NOVA2: variants seen among roughly 807,000 people sequenced by gnomAD.
The protein encoded by NOVA2 is NOVA alternative splicing regulator 2.
NOVA2 carries 9 observed loss-of-function variants against 22.5 expected under a neutral mutation model. The ratio of observed to expected loss-of-function variants is 0.40; its 90% CI spans 0.24 to 0.70. NOVA2 has a LOEUF of 0.70. Ranked by LOEUF, NOVA2 falls within the 30% of genes least tolerant of loss-of-function variation. The probability of loss-of-function intolerance (pLI) is 0.38; values close to 1 mark genes in which losing one functional copy is unlikely to be tolerated. For synonymous variants in NOVA2, 318 were observed against 335.2 expected (o/e 0.95, Z 0.56); for missense variants, 383 against 682.8 (o/e 0.56, Z 4.89).
In NOVA2 at chr19:45,935,532, G is replaced by A. The variant is rs1262083324; in HGVS notation, c.*4331C>T. On this transcript the variant is annotated 3_prime_UTR_variant, in exon 4 of 4. Coordinates refer to ENST00000263257, the MANE Select transcript of NOVA2 (RefSeq NM_002516.4). ...ATCCAGTCCAGGCTTTCAGGACAGC[G>A]AGCCCGGTTTCCAGGCAGGTGCTTG... 2 of 152,184 alleles carry A rather than the reference G, an allele frequency of 1.3e-5. No individual in the cohort carries two copies. Among genetic ancestry groups the A allele is most frequent in the Admixed American group, 6.5e-5 (1 of 15,274 alleles). The allele number at this position is 152,184 out of a possible 1,614,324, so 9.4% of individuals were successfully genotyped here. A position where few individuals can be genotyped will look rare whatever the true frequency, so the allele number is the denominator to read the frequency against.
intron 2 of NOVA2, among the ~76,000 whole-genome samples, chr19:45,960,521 A>C (rs962180887): frequency 2.1e-4 from 32 of 151,836 alleles, no homozygotes; most frequent in Non-Finnish European, 5.9e-5. Flanking sequence ...AGAGGGGAGC[A>C]AGAGACGAGA....
intron 3 of NOVA2, among the ~76,000 whole-genome samples, chr19:45,950,004 G>T (rs1600604496): frequency 6.6e-6 from 1 of 151,844 alleles, no homozygotes; most frequent in African/African-American, 2.4e-5. Flanking sequence ...GCTTCCCAAG[G>T]TGCTGAGATT....
At chr19:45,955,729 G>A (rs1015474384) in intron 2 of NOVA2, among the ~76,000 whole-genome samples, 2 of 152,080 alleles carry the variant, frequency 1.3e-5, no homozygotes, top group Middle Eastern at 3.4e-3. Flanking sequence ...GTGGTGGCAC[G>A]CACCTGTAGT....
At position 45,961,171 on chromosome 19, in the gene NOVA2, G is replaced by T; in HGVS notation, c.86-18C>A. On this transcript the variant is annotated intron_variant, in intron 1 of 3. Coordinates refer to ENST00000263257, the MANE Select transcript of NOVA2 (RefSeq NM_002516.4). ...GCCTTCCTCTGCGGGGGCACACAGG[G>T]TGGAGGGGAGTCAGCGGGGGAGGGG... The T allele has an allele frequency of 6.3e-7, 1 of 1,593,466 alleles. No homozygotes were observed. Among genetic ancestry groups the T allele is most frequent in the Non-Finnish European group, 8.5e-7 (1 of 1,169,810 alleles).
intron 3 of NOVA2, among the ~76,000 whole-genome samples, chr19:45,953,513 G>T (rs946149828): frequency 6.6e-6 from 1 of 152,158 alleles, no homozygotes; most frequent in Non-Finnish European, 1.5e-5. Context: ...TAGGAAGAAA[G>T]GATCGAACAA....
At chr19:45,948,416 G>A (rs558210527) in intron 3 of NOVA2, among the ~76,000 whole-genome samples, 2 of 152,024 alleles carry the variant, frequency 1.3e-5, no homozygotes, top group African/African-American at 4.8e-5. Context: ...TGGCTAACAC[G>A]GTGAAACCCC....
intron 3 of NOVA2, among the ~76,000 whole-genome samples, chr19:45,952,142 A>T (rs1451102547): frequency 6.6e-6 from 1 of 152,238 alleles, no homozygotes; most frequent in Non-Finnish European, 1.5e-5. Context: ...GGCAGAAAAG[A>T]AGTAGACCTG....
chr19:45,940,448 C>T lies in NOVA2; in HGVS notation c.894G>A (p.Leu298=). The T allele has an allele frequency of 6.6e-7, 1 of 1,525,066 alleles. No individual in the cohort carries two copies. Among genetic ancestry groups the T allele is most frequent in the Non-Finnish European group, 8.8e-7 (1 of 1,136,304 alleles). The allele number at this position is 1,525,066 out of a possible 1,614,324, so 94.5% of individuals were successfully genotyped here. A position where few individuals can be genotyped will look rare whatever the true frequency, so the allele number is the denominator to read the frequency against. The change falls in exon 4 of 4, where the codon CTG becomes CTA. Residue 298 remains leucine, a synonymous_variant. Transcript: ENST00000263257. ...CGGAAGCTGCGGCCGAGTTGAGGCC[C>T]AGGCCCAGGGAGTTGGTGTTGTAGC... is the stretch of plus-strand genomic sequence containing the variant. ...SYGYNTNSLG[L]GLNSAAASGV...
intron 1 of NOVA2, among the ~76,000 whole-genome samples, chr19:45,968,597 TG>T (rs1968195970): frequency 6.6e-6 from 1 of 151,898 alleles, no homozygotes; most frequent in Non-Finnish European, 1.5e-5. Context: ...ATAATAATGA[TG>T]ATGATGATGA....
rs922214230 is a variant in NOVA2 at position 45,937,235 on chromosome 19, G to A, written c.*2628C>T. 1.3e-5 allele frequency: 2 copies of A among 152,194 alleles called. No homozygotes were observed. The highest frequency in any genetic ancestry group is 2.9e-5 in the Non-Finnish European group (2 of 68,036). 9.4% of individuals were successfully genotyped at this position (152,194 alleles called of 1,614,324 possible). A position where few individuals can be genotyped will look rare whatever the true frequency, so the allele number is the denominator to read the frequency against. On this transcript the variant is annotated 3_prime_UTR_variant, in exon 4 of 4. Transcript: ENST00000263257. ...TTCAGGAGGCCCAGCCTCCGGAGAT[G>A]TGTCTGTGTGAGAGGAGTCCTGGAC...
chr19:45,951,285 C>T (rs1394681207), intron 3 of NOVA2, among the ~76,000 whole-genome samples: 1 of 151,752 alleles, frequency 6.6e-6, no homozygotes, highest in African/African-American at 2.4e-5. Context: ...GAGAACAGCC[C>T]GCAACATGGT....
rs1967659360 is a variant in NOVA2, at chr19:45,936,779, G to A, written c.*3084C>T. ...CTAGAGGGCAAATGAGAAGGAATAG[G>A]GAGATAATCCAATGCAGCAAACACT... On this transcript the variant is annotated 3_prime_UTR_variant, in exon 4 of 4. Coordinates refer to ENST00000263257, the MANE Select transcript of NOVA2 (RefSeq NM_002516.4). The A allele has an allele frequency of 6.6e-6, 1 of 151,974 alleles. No homozygotes were observed. Among genetic ancestry groups the A allele is most frequent in the African/African-American group, 2.4e-5 (1 of 41,324 alleles). The allele number at this position is 151,974 out of a possible 1,614,324, so 9.4% of individuals were successfully genotyped here.
chr19:45,967,176 G>T (rs2341635), intron 1 of NOVA2, among the ~76,000 whole-genome samples: 1 of 151,602 alleles, frequency 6.6e-6, no homozygotes, highest in African/African-American at 2.4e-5. Flanking sequence ...AGGAGTCCCC[G>T]TTGTGAGCAT....
At chr19:45,953,095 T>G (rs1224472085) in intron 3 of NOVA2, among the ~76,000 whole-genome samples, 1 of 152,094 alleles carries the variant, frequency 6.6e-6, no homozygotes, top group African/African-American at 2.4e-5. Context: ...CACTTCCGGG[T>G]CCGGACAGCG....
At chr19:45,972,010 G>A (rs1050204984) in intron 1 of NOVA2, among the ~76,000 whole-genome samples, 1 of 151,754 alleles carries the variant, frequency 6.6e-6, no homozygotes, top group South Asian at 2.1e-4. Flanking sequence ...CAATACACAC[G>A]GACACACACA....
intron 2 of NOVA2, among the ~76,000 whole-genome samples, chr19:45,960,734 C>A (rs1173261725): frequency 6.6e-6 from 1 of 152,162 alleles, no homozygotes; most frequent in Non-Finnish European, 1.5e-5. Flanking sequence ...CCAGAGGGGG[C>A]AGGTGTGTGG....
At chr19:45,969,509 GAAAAA>G (rs397946088) in intron 1 of NOVA2, among the ~76,000 whole-genome samples, 2 of 40,546 alleles carry the variant, frequency 4.9e-5, no homozygotes, top group African/African-American at 2.5e-4. Context: ...CCCTGTCTCA[GAAAAA>G]AAAAAAAAAA....
chr19:45,940,981 A>T, intron 3 of NOVA2, 36 bp from the exon 4 acceptor site: 1 of 1,529,520 alleles, frequency 6.5e-7, no homozygotes, highest in Non-Finnish European at 8.7e-7. Context: ...CTTTAATTTT[A>T]TTTTTTTAAA....
Position 45,973,380 on chromosome 19 carries a change from TGCTGCGGCGGCTGCG to T in NOVA2, c.-44_-30del. 1 of 743,850 alleles carries T rather than the reference TGCTGCGGCGGCTGCG, an allele frequency of 1.3e-6. No homozygotes were observed. Among genetic ancestry groups the T allele is most frequent in the South Asian group, 6.3e-5 (1 of 15,982 alleles). 46.1% of individuals were successfully genotyped at this position (743,850 alleles called of 1,614,324 possible). A position where few individuals can be genotyped will look rare whatever the true frequency, so the allele number is the denominator to read the frequency against. On this transcript the variant is annotated 5_prime_UTR_variant, in exon 1 of 4. Coordinates refer to ENST00000263257, the MANE Select transcript of NOVA2 (RefSeq NM_002516.4). ...GGGGGCCTGGGGCGGCGGCTGCTGC[TGCTGCGGCGGCTGCG>T]GCGGCGGCGGCGGCGGCTGCTGTGG...
Sources: gnomAD v4.1 joint callset for allele counts (sites outside exome capture counted in the v4.1 genomes callset) on GRCh38, gnomAD v4.1.1 for gene constraint, MANE v1.5 for transcripts, NCBI Gene and HGNC (gene_info 2026-07-23, HGNC 2026-07-21) for gene names.